The following ANXA13 variants were observed in gnomAD, a reference collection of about 807,000 sequenced individuals.
ANXA13 encodes the protein annexin XIII.
Under a neutral mutation model 46.6 loss-of-function variants are expected in ANXA13, and 36 were observed. That is an observed-to-expected ratio of 0.77 (90% confidence interval 0.59 to 1.02). ANXA13 has a LOEUF of 1.02. ANXA13 is among the 50% of genes least tolerant of loss of function. The pLI is 0.00. For synonymous variants in ANXA13, 163 were observed against 152.9 expected (o/e 1.07, Z -0.49); for missense variants, 417 against 396.5 (o/e 1.05, Z -0.44).
At chr8:123,684,985 C>A (rs770423839) in intron 9 of ANXA13, among the ~76,000 whole-genome samples, 1 of 152,242 alleles carries the variant, frequency 6.6e-6, no homozygotes, top group African/African-American at 2.4e-5. Context: ...CCCTCCCGGC[C>A]ACGTCCATGA....
chr8:123,737,135 AC>A (rs887331081), intron 1 of ANXA13, among the ~76,000 whole-genome samples, 184 bp downstream of exon 1: 6 of 152,040 alleles, frequency 3.9e-5, no homozygotes, highest in Admixed American at 6.6e-5. Flanking sequence ...TGCTGGGAGT[AC>A]AGGTGTGAGC....
chr8:123,701,699 T>A (rs1813449925), intron 3 of ANXA13, among the ~76,000 whole-genome samples: 1 of 152,008 alleles, frequency 6.6e-6, no homozygotes, highest in African/African-American at 2.4e-5. Flanking sequence ...GAATGGATAC[T>A]GTTCTTGAAG....
chr8:123,720,980 G>T (rs1426604526), intron 1 of ANXA13, among the ~76,000 whole-genome samples: 1 of 152,120 alleles, frequency 6.6e-6, no homozygotes, highest in African/African-American at 2.4e-5. Flanking sequence ...TCTCTAGAAC[G>T]AATTCATCTT....
intron 2 of ANXA13, among the ~76,000 whole-genome samples, chr8:123,707,942 C>T (rs1419349616): frequency 6.6e-6 from 1 of 152,100 alleles, no homozygotes; most frequent in Non-Finnish European, 1.5e-5. Flanking sequence ...CCTGAGACGG[C>T]CCAGCAACAA....
At chr8:123,717,015 C>A (rs61342766) in intron 1 of ANXA13, among the ~76,000 whole-genome samples, 9,973 of 152,202 alleles carry the variant, frequency 0.066, 1,053 homozygotes, top group African/African-American at 0.22. Context: ...GGGCAACATT[C>A]CTTGTTTTGT....
At chr8:123,706,553 C>T (rs1269691750) in intron 2 of ANXA13, among the ~76,000 whole-genome samples, 1 of 152,190 alleles carries the variant, frequency 6.6e-6, no homozygotes, top group Admixed American at 6.5e-5. Context: ...CTCTCAGATG[C>T]ACCCATTTCT....
At chr8:123,705,111 A>G (rs1050551142) in intron 2 of ANXA13, among the ~76,000 whole-genome samples, 7 of 152,310 alleles carry the variant, frequency 4.6e-5, no homozygotes, top group Admixed American at 3.9e-4. Flanking sequence ...GAAAATCCAA[A>G]GTCACCTTTG....
At chr8:123,735,735 G>A (rs1428846619) in intron 1 of ANXA13, 1 of 1,604,028 alleles carries the variant, frequency 6.2e-7, no homozygotes, top group African/African-American at 1.3e-5. Context: ...TATGATTTGG[G>A]GGGAAAATAA....
chr8:123,683,801 G>A (rs184166505), intron 10 of ANXA13, among the ~76,000 whole-genome samples: 13 of 151,928 alleles, frequency 8.6e-5, no homozygotes, highest in African/African-American at 1.7e-4. Context: ...TGGCCAGGCC[G>A]GTCTCGAACT....
chr8:123,698,689 A>G (rs1813390952), intron 3 of ANXA13, 130 bp from the exon 4 acceptor site: 1 of 955,504 alleles, frequency 1.0e-6, no homozygotes, highest in Non-Finnish European at 1.6e-6. Context: ...CCAACCTGCA[A>G]CCTGCTGAGA....
intron 9 of ANXA13, among the ~76,000 whole-genome samples, chr8:123,686,534 C>T (rs755108423): frequency 2.0e-5 from 3 of 151,970 alleles, no homozygotes; most frequent in East Asian, 1.9e-4. Flanking sequence ...GCAGCCAGCC[C>T]GGTGCTCTAT....
intron 1 of ANXA13, among the ~76,000 whole-genome samples, chr8:123,722,861 T>A (rs893616830): frequency 3.3e-5 from 5 of 152,094 alleles, no homozygotes; most frequent in Admixed American, 6.6e-5. Context: ...TCCTTCTCCT[T>A]CCCTCCTCAT....
intron 1 of ANXA13, among the ~76,000 whole-genome samples, chr8:123,733,233 A>G (rs1307121530): frequency 6.7e-6 from 1 of 149,818 alleles, no homozygotes; most frequent in Non-Finnish European, 1.5e-5. Flanking sequence ...TAAGGATCTT[A>G]TTTATTTATT....
At chr8:123,692,994 T>G (rs1487977405) in intron 8 of ANXA13, among the ~76,000 whole-genome samples, 2 of 152,172 alleles carry the variant, frequency 1.3e-5, no homozygotes, top group Non-Finnish European at 2.9e-5. Flanking sequence ...GTTCACTAGA[T>G]GCCAGGGCCA....
intron 1 of ANXA13, among the ~76,000 whole-genome samples, chr8:123,721,358 C>A (rs538828389): frequency 3.9e-5 from 6 of 152,268 alleles, no homozygotes; most frequent in Middle Eastern, 3.4e-3. Flanking sequence ...TACCTTTGAA[C>A]CAGGCACGAG....
intron 2 of ANXA13, chr8:123,711,540 T>A (rs1529619): frequency 0.085 from 12,935 of 152,420 alleles, 600 homozygotes; most frequent in African/African-American, 0.11. Context: ...CACTGACCCT[T>A]AGGATGTAAA....
chr8:123,715,251 C>A (rs1813739223), intron 1 of ANXA13, among the ~76,000 whole-genome samples: 1 of 152,144 alleles, frequency 6.6e-6, no homozygotes, highest in South Asian at 2.1e-4. Context: ...AGCACAGGGC[C>A]CTTCTGAGCA....
At chr8:123,711,325 T>G (rs1396063408) in intron 2 of ANXA13, among the ~76,000 whole-genome samples, 4 of 152,234 alleles carry the variant, frequency 2.6e-5, no homozygotes, top group African/African-American at 9.6e-5. Flanking sequence ...CTCCCTGTCC[T>G]GTTCAAGGGA....
chr8:123,681,353 G>T lies in ANXA13; in HGVS notation c.838C>A (p.Leu280Ile), dbSNP rs531775603. ...TGGAACTTTGCTTTGATCCCCTGAAGGTCCACCTGTAGAAAAAATAACAGC... is the reference window on the plus strand; with the variant it reads ...TGGAACTTTGCTTTGATCCCCTGAATGTCCACCTGTAGAAAAAATAACAGC... ...RIVVTRAEVD[L>I]QGIKAKFQEK... Residue 280 changes from leucine (L) to isoleucine (I), a missense_variant, in exon 11 of 11, where the codon CTT becomes ATT. Transcript: ENST00000419625. 1 of 1,613,086 alleles carries T rather than the reference G, an allele frequency of 6.2e-7. No homozygotes were observed. Among genetic ancestry groups the T allele is most frequent in the African/African-American group, 1.3e-5 (1 of 74,968 alleles).
Sources: gnomAD v4.1 joint callset for allele counts (sites outside exome capture counted in the v4.1 genomes callset) on GRCh38, gnomAD v4.1.1 for gene constraint, MANE v1.5 for transcripts, NCBI Gene and HGNC (gene_info 2026-07-23, HGNC 2026-07-21) for gene names.